The following RGS6 variants were observed in gnomAD, a reference collection of about 807,000 sequenced individuals.
The protein encoded by RGS6 is regulator of G-protein signaling 6.
In RGS6, 30 loss-of-function variants were observed where a neutral mutation model predicts 78.5. That is an observed-to-expected ratio of 0.38 (90% CI 0.29 to 0.52). The LOEUF (loss-of-function observed/expected upper bound fraction) is 0.52, where lower values mean the gene tolerates loss of function less well. RGS6 is among the 20% of genes least tolerant of loss of function. The pLI is 0.85. For synonymous variants in RGS6, 206 were observed against 206.0 expected, an observed-to-expected ratio of 1.00 and a Z score of 0.00; for missense variants, 495 against 609.7, an observed-to-expected ratio of 0.81 and a Z score of 1.98.
At chr14:72,183,909 A>G (rs2097205450) in intron 2 of RGS6, among the ~76,000 whole-genome samples, 2 of 152,264 alleles carry the variant, frequency 1.3e-5, no homozygotes, top group East Asian at 1.9e-4. Flanking sequence ...GGCTCAACTC[A>G]GGGTAAATAT....
chr14:72,302,093 T>C (rs1007663104), intron 2 of RGS6, among the ~76,000 whole-genome samples: 4 of 152,194 alleles, frequency 2.6e-5, no homozygotes, highest in African/African-American at 9.7e-5. Flanking sequence ...CTGGAATAAA[T>C]TACTTCATTA....
At chr14:72,472,174 A>AG in intron 8 of RGS6, among the ~76,000 whole-genome samples, 1 of 144,844 alleles carries the variant, frequency 6.9e-6, no homozygotes, top group East Asian at 1.9e-4. Context: ...TTTTTTAAGA[A>AG]AAAAAAAAAA....
At chr14:71,885,355 C>A in the RGS6 span, among the ~76,000 whole-genome samples, 1 of 152,342 alleles carries the variant, frequency 6.6e-6, no homozygotes, top group Non-Finnish European at 1.5e-5. Context: ...ATTTGCCAAG[C>A]TAACTCATGG....
intron 2 of RGS6, among the ~76,000 whole-genome samples, chr14:71,982,729 G>C (rs1045156555): frequency 6.6e-5 from 10 of 152,190 alleles, no homozygotes; most frequent in Admixed American, 3.3e-4. Context: ...TCCAATTGCT[G>C]GGCTCATCTT....
intron 2 of RGS6, among the ~76,000 whole-genome samples, chr14:72,082,098 C>T (rs1389195801): frequency 6.6e-6 from 1 of 151,618 alleles, no homozygotes; most frequent in Non-Finnish European, 1.5e-5. Flanking sequence ...TGAGACATGC[C>T]AGAGCAGGAG....
At chr14:72,622,809 TC>T in the RGS6 span, among the ~76,000 whole-genome samples, 1 of 152,192 alleles carries the variant, frequency 6.6e-6, no homozygotes, top group South Asian at 2.1e-4. Context: ...CCAGGGTAAA[TC>T]CCTGACCATG....
At chr14:71,958,341 A>G (rs1336282891) in intron 1 of RGS6, among the ~76,000 whole-genome samples, 1 of 152,218 alleles carries the variant, frequency 6.6e-6, no homozygotes, top group Non-Finnish European at 1.5e-5. Context: ...ACTTTGGGCA[A>G]GTTACCTGTG....
chr14:72,102,889 CA>C (rs1247617500), intron 2 of RGS6, among the ~76,000 whole-genome samples: 1 of 152,108 alleles, frequency 6.6e-6, no homozygotes, highest in African/African-American at 2.4e-5. Context: ...CACAAGTTCA[CA>C]CTCAGGGTTC....
At chr14:72,229,023 C>T (rs1172506569) in intron 2 of RGS6, among the ~76,000 whole-genome samples, 2 of 152,336 alleles carry the variant, frequency 1.3e-5, no homozygotes, top group South Asian at 4.1e-4. Flanking sequence ...CCACTGCACT[C>T]TAGCCTGGGC....
the RGS6 span, among the ~76,000 whole-genome samples, chr14:71,902,449 G>A: frequency 0.023 from 3,464 of 152,130 alleles, 137 homozygotes; most frequent in African/African-American, 0.08. Flanking sequence ...ACATCAAAGG[G>A]GCCTTTGAGT....
intron 17 of RGS6, among the ~76,000 whole-genome samples, chr14:72,553,871 A>T (rs2097537841): frequency 1.3e-5 from 2 of 152,230 alleles, no homozygotes; most frequent in African/African-American, 2.4e-5. Context: ...TCAGGGGAGA[A>T]AAAAGCTGGG....
chr14:72,320,081 A>T (rs2071473160), intron 2 of RGS6, among the ~76,000 whole-genome samples: 1 of 152,058 alleles, frequency 6.6e-6, no homozygotes, highest in Non-Finnish European at 1.5e-5. Flanking sequence ...ACCACAGTTT[A>T]AAAAAAACCT....
At chr14:71,877,466 A>G in the RGS6 span, among the ~76,000 whole-genome samples, 1 of 152,192 alleles carries the variant, frequency 6.6e-6, no homozygotes, top group Non-Finnish European at 1.5e-5. Flanking sequence ...AGTTGATTGA[A>G]TCGACTACTG....
intron 2 of RGS6, among the ~76,000 whole-genome samples, chr14:72,170,127 A>C (rs1469924449): frequency 3.3e-5 from 5 of 152,320 alleles, no homozygotes; most frequent in South Asian, 2.1e-4. Context: ...TTGTTATAGC[A>C]GTTAGTCTTC....
chr14:72,332,200 C>T (rs933933851), intron 2 of RGS6, among the ~76,000 whole-genome samples: 2 of 152,198 alleles, frequency 1.3e-5, no homozygotes, highest in Non-Finnish European at 2.9e-5. Flanking sequence ...TCCTTGAGAA[C>T]AACTTGAACT....
intron 2 of RGS6, among the ~76,000 whole-genome samples, chr14:72,193,491 T>A (rs1316553481): frequency 6.6e-6 from 1 of 152,180 alleles, no homozygotes; most frequent in Non-Finnish European, 1.5e-5. Context: ...TGAGCCCCAG[T>A]GTGTGCCGGG....
intron 3 of RGS6, among the ~76,000 whole-genome samples, chr14:72,415,913 G>T (rs921268796): frequency 6.6e-6 from 1 of 152,086 alleles, no homozygotes; most frequent in East Asian, 1.9e-4. Flanking sequence ...ACTTCGGGAG[G>T]CCAAGGCGGG....
intron 1 of RGS6, among the ~76,000 whole-genome samples, chr14:71,962,337 A>G (rs372261612): frequency 6.6e-6 from 1 of 152,244 alleles, no homozygotes; most frequent in African/African-American, 2.4e-5. Flanking sequence ...GTTTGTTTCT[A>G]GGTCATTTCT....
intron 2 of RGS6, among the ~76,000 whole-genome samples, chr14:72,157,075 A>G (rs765424444): frequency 1.2e-4 from 18 of 152,214 alleles, no homozygotes; most frequent in East Asian, 5.8e-4. Context: ...AAGTGATTCA[A>G]TCTCCCAAAC....
Sources: gnomAD v4.1 joint callset for allele counts (sites outside exome capture counted in the v4.1 genomes callset) on GRCh38, gnomAD v4.1.1 for gene constraint, MANE v1.5 for transcripts, NCBI Gene and HGNC (gene_info 2026-07-23, HGNC 2026-07-21) for gene names.